MAPRE3: variants seen among roughly 807,000 people sequenced by gnomAD.
MAPRE3 encodes the protein microtubule-associated protein RP/EB family member 3.
A neutral mutation model predicts 30.5 loss-of-function variants in MAPRE3; 2 were observed. The ratio of observed to expected loss-of-function variants is 0.07; its 90% confidence interval spans 0.03 to 0.21. MAPRE3 has a LOEUF of 0.21. Among genes scored for constraint, MAPRE3 ranks in the 10% least tolerant of loss-of-function variants. The pLI, the probability that MAPRE3 is intolerant of heterozygous loss-of-function variation, is 1.00. For missense variants in MAPRE3, 204 were observed against 351.8 expected, an observed-to-expected ratio of 0.58 and a Z score of 3.36; for synonymous variants, 110 against 127.7, an observed-to-expected ratio of 0.86 and a Z score of 0.93.
chr2:27,019,247 A>G (rs1244186136), intron 1 of MAPRE3, among the ~76,000 whole-genome samples: 1 of 151,800 alleles, frequency 6.6e-6, no homozygotes, highest in Non-Finnish European at 1.5e-5. Context: ...AGCCGTGCCC[A>G]GGGTGCTGTA....
Position 27,006,055 on chromosome 2 carries a change from G to A in MAPRE3, c.-7-16157G>A, listed in dbSNP as rs553047504. On this transcript the variant is annotated intron_variant, in intron 1 of 6. Coordinates refer to ENST00000233121, the MANE Select transcript of MAPRE3 (RefSeq NM_012326.4). ...AAATTAGCCGGGCACAGTGGCGGGC[G>A]CCTGTAGTCCCAGCTACTCGGGAGG... Among the ~76,000 whole-genome samples the A allele has an allele frequency of 4.7e-3, 722 of 152,160 alleles. 6 individuals are homozygous for A. Among genetic ancestry groups the A allele is most frequent in the African/African-American group, 0.017 (686 of 41,550 alleles).
chr2:27,004,540 A>G (rs1311216422), intron 1 of MAPRE3, among the ~76,000 whole-genome samples: 1 of 152,078 alleles, frequency 6.6e-6, no homozygotes, highest in East Asian at 1.9e-4. Flanking sequence ...CCACGTCGAA[A>G]TACATTTCAT....
intron 1 of MAPRE3, chr2:27,009,815 A>G (rs1465717587): frequency 6.6e-6 from 1 of 152,154 alleles, no homozygotes; most frequent in African/African-American, 2.4e-5. Context: ...AGTTCAAACC[A>G]TGTTTCCTTT....
chr2:27,001,838 C>G (rs1666606848), intron 1 of MAPRE3, among the ~76,000 whole-genome samples: 1 of 152,162 alleles, frequency 6.6e-6, no homozygotes, highest in African/African-American at 2.4e-5. Flanking sequence ...TGTGTTTTCC[C>G]CCGGCTTCAT....
intron 1 of MAPRE3, among the ~76,000 whole-genome samples, chr2:26,988,990 A>G (rs908840272): frequency 4.6e-5 from 7 of 152,234 alleles, no homozygotes; most frequent in Non-Finnish European, 1.0e-4. Flanking sequence ...GCTCCAGCTC[A>G]GCACCTCTGT....
intron 1 of MAPRE3, among the ~76,000 whole-genome samples, chr2:26,991,864 A>T (rs1334607167): frequency 6.6e-6 from 1 of 152,150 alleles, no homozygotes; most frequent in African/African-American, 2.4e-5. Context: ...AGCATCGGGC[A>T]TTCCTCCTCT....
intron 1 of MAPRE3, among the ~76,000 whole-genome samples, chr2:26,974,159 A>G (rs970538808): frequency 2.6e-5 from 4 of 152,156 alleles, no homozygotes; most frequent in Non-Finnish European, 4.4e-5. Flanking sequence ...AGATTTCCAG[A>G]CTAGAGTTAT....
chr2:26,971,307 C>A (rs1365291523), intron 1 of MAPRE3, among the ~76,000 whole-genome samples: 1 of 152,254 alleles, frequency 6.6e-6, no homozygotes, highest in African/African-American at 2.4e-5. Flanking sequence ...GGGTTTCTTC[C>A]CCACACGCTC....
At chr2:27,025,774 G>T in intron 5 of MAPRE3, 37 bp downstream of exon 5, 1 of 1,614,016 alleles carries the variant, frequency 6.2e-7, no homozygotes. Context: ...AGATAGCCCT[G>T]TCACCAAAGC....
intron 1 of MAPRE3, among the ~76,000 whole-genome samples, chr2:26,994,956 C>T (rs1273870868): frequency 1.3e-5 from 2 of 151,912 alleles, no homozygotes; most frequent in African/African-American, 4.8e-5. Context: ...CCTGCCTCAG[C>T]CTCCCGAGTA....
rs146977621 is a variant in MAPRE3 at position 27,022,507 on chromosome 2, G to A, written c.121+168G>A. 147 of 884,086 alleles carry A rather than the reference G, an allele frequency of 1.7e-4. 1 individual carries two copies. The African/African-American group carries it at 2.0e-3, about 12-fold the overall frequency. The allele number at this position is 884,086 out of a possible 1,614,324, so 54.8% of individuals were successfully genotyped here. A position where few individuals can be genotyped will look rare whatever the true frequency, so the allele number is the denominator to read the frequency against. On this transcript the variant is annotated intron_variant, in intron 2 of 6. Coordinates refer to ENST00000233121, the MANE Select transcript of MAPRE3 (RefSeq NM_012326.4). ...GTTGTTGTTGTGTGAACATCACAGAGTGTATTTACACAAACCTGGATGGTG... is the reference window on the plus strand; with the variant it reads ...GTTGTTGTTGTGTGAACATCACAGAATGTATTTACACAAACCTGGATGGTG...
At chr2:26,996,784 G>A (rs1459218062) in intron 1 of MAPRE3, 1 of 152,014 alleles carries the variant, frequency 6.6e-6, no homozygotes, top group African/African-American at 2.4e-5. Flanking sequence ...TCCAACCTGG[G>A]CGACAGAGCG....
At chr2:27,018,187 C>T (rs1667028567) in intron 1 of MAPRE3, among the ~76,000 whole-genome samples, 4 of 152,222 alleles carry the variant, frequency 2.6e-5, no homozygotes, top group Admixed American at 2.0e-4. Flanking sequence ...TAAGACTACT[C>T]CTTGCCCCCA....
intron 1 of MAPRE3, among the ~76,000 whole-genome samples, chr2:27,019,111 C>T (rs1667055640): frequency 6.6e-6 from 1 of 151,972 alleles, no homozygotes; most frequent in Non-Finnish European, 1.5e-5. Flanking sequence ...CCAGGCTGGT[C>T]TTGAACTCCT....
rs1304397036 is a variant in MAPRE3 at position 27,015,703 on chromosome 2, T to C, written c.-7-6509T>C. Among the ~76,000 whole-genome samples the C allele has an allele frequency of 6.6e-6, 1 of 152,156 alleles. No individual in the cohort carries two copies. Among genetic ancestry groups the C allele is most frequent in the African/African-American group, 2.4e-5 (1 of 41,440 alleles). The stretch of plus-strand genomic sequence containing the variant: ...CAGATTTAAAAACAAAAAGCCAAAA[T>C]TAGATTTAGGCTGGTGATAAGGTCA... On this transcript the variant is annotated intron_variant, in intron 1 of 6. Transcript: ENST00000233121. The surrounding 1 kb of genome is among the most constrained non-coding windows in gnomAD (Gnocchi z 4.0).
chr2:26,990,449 G>A (rs1666314255), intron 1 of MAPRE3, among the ~76,000 whole-genome samples: 1 of 152,014 alleles, frequency 6.6e-6, no homozygotes, highest in East Asian at 1.9e-4. Flanking sequence ...AACTTTTCCT[G>A]AACCTTTGCA....
Position 27,026,261 on chromosome 2 carries a change from T to C in MAPRE3, c.778-19T>C. Reference sequence around the variant, plus strand: ...TGGCCTGCCTGGCCCACCACTTTCCTCTCTCTCCCACCCTCCAGGAAGGAT... The same window carrying C: ...TGGCCTGCCTGGCCCACCACTTTCCCCTCTCTCCCACCCTCCAGGAAGGAT... On this transcript the variant is annotated intron_variant, in intron 6 of 6. Transcript: ENST00000233121. The C allele has an allele frequency of 6.2e-7, 1 of 1,604,970 alleles. No homozygotes were observed. Among genetic ancestry groups the C allele is most frequent in the Non-Finnish European group, 8.5e-7 (1 of 1,175,964 alleles).
At chr2:27,007,183 T>G (rs1369739890) in intron 1 of MAPRE3, among the ~76,000 whole-genome samples, 1 of 152,216 alleles carries the variant, frequency 6.6e-6, no homozygotes, top group Non-Finnish European at 1.5e-5. Flanking sequence ...AAGGTTCGTC[T>G]ATATCTTGCA....
At chr2:27,026,078 C>G in intron 6 of MAPRE3, 46 bp downstream of exon 6, 1 of 1,608,928 alleles carries the variant, frequency 6.2e-7, no homozygotes. Context: ...CTGGCCTGGC[C>G]CTAAGACCAG....
Sources: allele counts gnomAD v4.1 joint callset (sites outside exome capture counted in the v4.1 genomes callset), GRCh38; gene constraint gnomAD v4.1.1; non-coding constraint Gnocchi (gnomAD v3.1); transcripts MANE v1.5; gene names NCBI Gene and HGNC (gene_info 2026-07-23, HGNC 2026-07-21).